Variants in DCTN5 observed in about 807,000 individuals in gnomAD.
DCTN5 encodes the protein dynactin 4.
Under a neutral mutation model 23.5 loss-of-function variants are expected in DCTN5, and 14 were observed. The observed-to-expected ratio is 0.60, with a 90% CI of 0.39 to 0.93. The LOEUF (loss-of-function observed/expected upper bound fraction) is 0.93. Ranked by LOEUF, DCTN5 falls within the 40% of genes least tolerant of loss-of-function variation. The probability of loss-of-function intolerance (pLI) is 0.00; values close to 1 mark genes in which losing one functional copy is unlikely to be tolerated. For missense variants in DCTN5, 156 were observed against 225.9 expected (o/e 0.69, Z 1.98); for synonymous variants, 67 against 79.6 (o/e 0.84, Z 0.84).
Position 23,650,698 on chromosome 16 carries a change from T to C in DCTN5, c.117+7675T>C, listed in dbSNP as rs1967584955. 2.0e-6 allele frequency: 3 copies of C among 1,467,850 alleles called. No homozygotes were observed. The South Asian group carries it at 3.7e-5, about 18-fold the overall frequency. 90.9% of individuals were successfully genotyped at this position (1,467,850 alleles called of 1,614,324 possible). On this transcript the variant is annotated intron_variant, in intron 2 of 5. Transcript: ENST00000300087. Reference sequence around the variant, plus strand: ...CTCCTCTTGGTGGAAAGTTACTTTGTTTCTAGTTTTTTGCTGTTATGAACA... The same window carrying C: ...CTCCTCTTGGTGGAAAGTTACTTTGCTTCTAGTTTTTTGCTGTTATGAACA...
Position 23,670,842 on chromosome 16 carries a change from G to A in DCTN5, c.*3698G>A, listed in dbSNP as rs1967993967. The A allele has an allele frequency of 6.6e-6, 1 of 152,196 alleles. No individual in the cohort carries two copies. 9.4% of individuals were successfully genotyped at this position (152,196 alleles called of 1,614,324 possible). A position where few individuals can be genotyped will look rare whatever the true frequency, so the allele number is the denominator to read the frequency against. On this transcript the variant is annotated 3_prime_UTR_variant, in exon 6 of 6. Transcript: ENST00000300087. The stretch of plus-strand genomic sequence containing the variant: ...AATATGTGCTTGCTTCCATTTAGGG[G>A]TAAGAAGGTGGGCCCCTCACCATAT...
chr16:23,672,362 T>C lies in DCTN5; in HGVS notation c.*5218T>C, dbSNP rs1968021465. 1 of 152,226 alleles carries C rather than the reference T, an allele frequency of 6.6e-6. No individual in the cohort carries two copies. The highest frequency in any genetic ancestry group is 6.5e-5 in the Admixed American group (1 of 15,282). The allele number at this position is 152,226 out of a possible 1,614,324, so 9.4% of individuals were successfully genotyped here. On this transcript the variant is annotated 3_prime_UTR_variant, in exon 6 of 6. Coordinates refer to ENST00000300087, the MANE Select transcript of DCTN5 (RefSeq NM_032486.4). Reference sequence around the variant, plus strand: ...GGAAATGGGCACTATAATGGGCACTTTATCCCATTTTATAAACATGGAAAT... The same window carrying C: ...GGAAATGGGCACTATAATGGGCACTCTATCCCATTTTATAAACATGGAAAT...
At chr16:23,655,146 A>G (rs1013637862) in intron 2 of DCTN5, among the ~76,000 whole-genome samples, 5 of 152,188 alleles carry the variant, frequency 3.3e-5, no homozygotes, top group East Asian at 1.9e-4. Context: ...TGTTGCATAT[A>G]GTAGCAGATT....
At chr16:23,644,848 C>G (rs1967390614) in intron 2 of DCTN5, among the ~76,000 whole-genome samples, 1 of 150,800 alleles carries the variant, frequency 6.6e-6, no homozygotes, top group African/African-American at 2.4e-5. Context: ...GCGGCGCCAT[C>G]TCAGTCGCCA....
At chr16:23,656,338 A>G (rs1393873277) in intron 2 of DCTN5, among the ~76,000 whole-genome samples, 1 of 152,234 alleles carries the variant, frequency 6.6e-6, no homozygotes. Flanking sequence ...TCTTCCCAGT[A>G]TCTCAGGATA....
intron 4 of DCTN5, 50 bp downstream of exon 4, chr16:23,661,331 C>T: frequency 7.4e-7 from 1 of 1,345,044 alleles, no homozygotes; most frequent in Non-Finnish European, 1.1e-6. Flanking sequence ...CCCTTCAGCT[C>T]CCATCCCTCA....
intron 4 of DCTN5, among the ~76,000 whole-genome samples, chr16:23,665,025 C>T (rs986437798): frequency 6.6e-6 from 1 of 152,204 alleles, no homozygotes; most frequent in Non-Finnish European, 1.5e-5. Flanking sequence ...GGTTCACTCC[C>T]AGGCAGGTTC....
intron 3 of DCTN5, 136 bp downstream of exon 3, chr16:23,658,761 A>AC: frequency 1.4e-6 from 1 of 702,038 alleles, no homozygotes; most frequent in Non-Finnish European, 2.5e-6. Flanking sequence ...CATAATGAAC[A>AC]CAACTCTGCT....
intron 2 of DCTN5, among the ~76,000 whole-genome samples, chr16:23,655,906 G>A (rs1394991469): frequency 6.6e-6 from 1 of 152,140 alleles, no homozygotes; most frequent in African/African-American, 2.4e-5. Flanking sequence ...ACTTCAGTGT[G>A]TCTTACTAAT....
At chr16:23,662,009 A>G (rs1285976132) in intron 4 of DCTN5, among the ~76,000 whole-genome samples, 3 of 151,554 alleles carry the variant, frequency 2.0e-5, no homozygotes, top group Non-Finnish European at 2.9e-5. Flanking sequence ...TGAGCCCAGG[A>G]GTTCAAGACC....
intron 2 of DCTN5, among the ~76,000 whole-genome samples, chr16:23,646,583 T>TG (rs1007099404): frequency 1.3e-5 from 2 of 152,140 alleles, no homozygotes; most frequent in Non-Finnish European, 2.9e-5. Flanking sequence ...TAATTTTTTT[T>TG]TTTGTTTTTT....
intron 4 of DCTN5, among the ~76,000 whole-genome samples, chr16:23,664,601 G>A (rs897364620): frequency 6.6e-6 from 1 of 152,180 alleles, no homozygotes; most frequent in African/African-American, 2.4e-5. Flanking sequence ...TCCTCAGCAA[G>A]GAGTCTAAGA....
intron 2 of DCTN5, among the ~76,000 whole-genome samples, chr16:23,645,611 A>G (rs543158684): frequency 1.3e-5 from 2 of 152,194 alleles, no homozygotes; most frequent in East Asian, 3.9e-4. Flanking sequence ...GTCTCTATGA[A>G]TTTGCCTATT....
At chr16:23,660,936 T>G (rs190634175) in intron 3 of DCTN5, among the ~76,000 whole-genome samples, 2 of 152,334 alleles carry the variant, frequency 1.3e-5, no homozygotes, top group Admixed American at 6.5e-5. Flanking sequence ...ATCTTGCCCC[T>G]CCTGCCTTGG....
At chr16:23,664,945 C>G (rs561303413) in intron 4 of DCTN5, among the ~76,000 whole-genome samples, 1 of 152,154 alleles carries the variant, frequency 6.6e-6, no homozygotes, top group Non-Finnish European at 1.5e-5. Flanking sequence ...ATGTCACGGC[C>G]AAATGGCTCC....
chr16:23,645,137 A>ATATATATT (rs1555462995), intron 2 of DCTN5, among the ~76,000 whole-genome samples: 1 of 30,802 alleles, frequency 3.2e-5, no homozygotes, highest in South Asian at 1.3e-3. Flanking sequence ...ATATATATAT[A>ATATATATT]TTTTTTTTTT....
chr16:23,670,850 G>T lies in DCTN5; in HGVS notation c.*3706G>T, dbSNP rs1364789226. 6.6e-6 allele frequency: 1 copy of T among 152,170 alleles called. No individual in the cohort carries two copies. The highest frequency in any genetic ancestry group is 1.5e-5 in the Non-Finnish European group (1 of 68,046). The allele number at this position is 152,170 out of a possible 1,614,324, so 9.4% of individuals were successfully genotyped here. A position where few individuals can be genotyped will look rare whatever the true frequency, so the allele number is the denominator to read the frequency against. On this transcript the variant is annotated 3_prime_UTR_variant, in exon 6 of 6. Transcript: ENST00000300087. ...CTTGCTTCCATTTAGGGGTAAGAAG[G>T]TGGGCCCCTCACCATATGCTGCACA...
intron 2 of DCTN5, among the ~76,000 whole-genome samples, chr16:23,645,113 ATATATATATATATATATATATATAT>A (rs1967413082): frequency 5.6e-5 from 2 of 35,730 alleles, no homozygotes; most frequent in African/African-American, 1.2e-4. Flanking sequence ...ATATATATAT[ATATATATATATATATATATATATAT>A]TTTTTTTTTT....
At chr16:23,662,346 G>A (rs1967829852) in intron 4 of DCTN5, among the ~76,000 whole-genome samples, 1 of 152,200 alleles carries the variant, frequency 6.6e-6, no homozygotes, top group South Asian at 2.1e-4. Flanking sequence ...AGCAGAATCT[G>A]TAGGACCCTG....
Sources: gnomAD v4.1 joint callset for allele counts (sites outside exome capture counted in the v4.1 genomes callset) on GRCh38, gnomAD v4.1.1 for gene constraint, MANE v1.5 for transcripts, NCBI Gene and HGNC (gene_info 2026-07-23, HGNC 2026-07-21) for gene names.